LSAMP: variants seen among roughly 807,000 people sequenced by gnomAD.
LSAMP encodes the protein limbic system associated membrane protein.
LSAMP carries 7 observed loss-of-function variants against 38.6 expected under a neutral mutation model. The observed-to-expected ratio is 0.18, with a 90% CI of 0.10 to 0.34. LSAMP has a LOEUF of 0.34. LSAMP is among the 10% of genes least tolerant of loss of function. The probability of loss-of-function intolerance (pLI) is 1.00; values close to 1 mark genes in which losing one functional copy is unlikely to be tolerated. For missense variants in LSAMP, 313 were observed against 420.0 expected (o/e 0.75, Z 2.23); for synonymous variants, 154 against 166.8 (o/e 0.92, Z 0.59).
chr3:116,123,735 G>A (rs990025881), intron 1 of LSAMP, among the ~76,000 whole-genome samples: 8 of 152,094 alleles, frequency 5.3e-5, no homozygotes, highest in African/African-American at 1.2e-4. Context: ...TTATTAACAC[G>A]GTAGATATTA....
intron 2 of LSAMP, among the ~76,000 whole-genome samples, chr3:116,041,459 C>T (rs1559930795): frequency 2.6e-5 from 4 of 151,800 alleles, no homozygotes; most frequent in Admixed American, 2.0e-4. Context: ...TTTAGGCAGA[C>T]AAATATGATT....
intron 1 of LSAMP, among the ~76,000 whole-genome samples, chr3:116,105,106 A>ATAGT (rs1031600986): frequency 6.6e-6 from 1 of 152,006 alleles, no homozygotes; most frequent in Non-Finnish European, 1.5e-5. Context: ...TGGGTATAGG[A>ATAGT]TAGTTAGCAT....
intron 3 of LSAMP, among the ~76,000 whole-genome samples, chr3:115,858,885 C>A (rs972317524): frequency 1.3e-5 from 2 of 152,118 alleles, no homozygotes; most frequent in Admixed American, 1.3e-4. Context: ...AATGCTGTAC[C>A]ATGTTTCTGT....
At chr3:116,085,731 G>A (rs952916855) in intron 2 of LSAMP, among the ~76,000 whole-genome samples, 3 of 152,162 alleles carry the variant, frequency 2.0e-5, no homozygotes, top group Non-Finnish European at 4.4e-5. Context: ...CCCCAATCTA[G>A]AAGCAAATTG....
At chr3:116,052,260 G>T (rs1250807660) in intron 2 of LSAMP, among the ~76,000 whole-genome samples, 1 of 152,082 alleles carries the variant, frequency 6.6e-6, no homozygotes, top group African/African-American at 2.4e-5. Flanking sequence ...AGAAGTGGAT[G>T]ATAAAGAAGA....
At chr3:115,948,488 C>T (rs1280093711) in intron 3 of LSAMP, among the ~76,000 whole-genome samples, 1 of 152,056 alleles carries the variant, frequency 6.6e-6, no homozygotes, top group Admixed American at 6.5e-5. Context: ...CCCTCAAAAC[C>T]ATAGAAATAT....
chr3:116,217,731 A>ATTC (rs2046238135), intron 1 of LSAMP, among the ~76,000 whole-genome samples: 1 of 152,260 alleles, frequency 6.6e-6, no homozygotes, highest in Non-Finnish European at 1.5e-5. Flanking sequence ...TGAGAATTTG[A>ATTC]AAAATTAAGT....
intron 3 of LSAMP, among the ~76,000 whole-genome samples, chr3:115,861,581 A>G (rs1021638255): frequency 6.6e-6 from 1 of 152,148 alleles, no homozygotes; most frequent in Admixed American, 6.5e-5. Flanking sequence ...AATTTCCTGT[A>G]GTCCACTTGG....
At chr3:116,209,266 G>A (rs957835456) in intron 1 of LSAMP, among the ~76,000 whole-genome samples, 14 of 152,078 alleles carry the variant, frequency 9.2e-5, no homozygotes, top group African/African-American at 1.7e-4. Context: ...GCTCGCGCAC[G>A]GTGCGCGCAC....
chr3:116,119,372 T>G (rs1349120348), intron 1 of LSAMP, among the ~76,000 whole-genome samples: 2 of 152,108 alleles, frequency 1.3e-5, no homozygotes, highest in Non-Finnish European at 2.9e-5. Flanking sequence ...TAGATATATG[T>G]ATATGTATGT....
intron 3 of LSAMP, among the ~76,000 whole-genome samples, chr3:115,905,345 CGAT>C (rs1470740098): frequency 6.6e-6 from 1 of 151,856 alleles, no homozygotes; most frequent in African/African-American, 2.4e-5. Flanking sequence ...TATGAGATAC[CGAT>C]GATATTGGGA....
At chr3:116,354,072 C>G (rs1274309005) in intron 1 of LSAMP, among the ~76,000 whole-genome samples, 3 of 152,090 alleles carry the variant, frequency 2.0e-5, no homozygotes, top group Admixed American at 2.0e-4. Flanking sequence ...ACCCTTGAAG[C>G]TGGAGTCACT....
intron 1 of LSAMP, among the ~76,000 whole-genome samples, chr3:116,197,806 A>G (rs995116571): frequency 6.6e-6 from 1 of 152,144 alleles, no homozygotes; most frequent in Non-Finnish European, 1.5e-5. Flanking sequence ...CTTGCTTCCA[A>G]TGATATATAC....
intron 1 of LSAMP, among the ~76,000 whole-genome samples, chr3:116,293,717 G>C (rs897723300): frequency 6.6e-6 from 1 of 152,114 alleles, no homozygotes; most frequent in Non-Finnish European, 1.5e-5. Context: ...ACTATAGTGA[G>C]ATATATGGAG....
intron 1 of LSAMP, among the ~76,000 whole-genome samples, chr3:116,302,714 C>T (rs1434287142): frequency 6.6e-6 from 1 of 152,132 alleles, no homozygotes; most frequent in Non-Finnish European, 1.5e-5. Context: ...AACCATTCTC[C>T]TATAATGGCA....
At chr3:116,263,220 C>T (rs910551064) in intron 1 of LSAMP, among the ~76,000 whole-genome samples, 5 of 152,054 alleles carry the variant, frequency 3.3e-5, no homozygotes, top group South Asian at 2.1e-4. Context: ...TGCTCTCAAC[C>T]GCAGGAACTG....
At chr3:115,862,074 C>G (rs1351420451) in intron 3 of LSAMP, among the ~76,000 whole-genome samples, 1 of 152,098 alleles carries the variant, frequency 6.6e-6, no homozygotes, top group Non-Finnish European at 1.5e-5. Flanking sequence ...GTTTTTTAGA[C>G]TTTTTCTTAA....
intron 1 of LSAMP, among the ~76,000 whole-genome samples, chr3:116,256,428 C>G (rs1162521454): frequency 1.3e-5 from 2 of 152,080 alleles, no homozygotes; most frequent in Admixed American, 1.3e-4. Flanking sequence ...AAGGACAAGC[C>G]GTGACCTTGC....
chr3:116,290,773 T>TAATAATAAA lies in LSAMP; in HGVS notation c.155+154103_155+154104insTTTATTATT, dbSNP rs1397690470. ...ATAATAATAATAATAATAATAATAA[T>TAATAATAAA]AAAATAAACTTTCCTAGTTGATCTT... On this transcript the variant is annotated intron_variant, in intron 1 of 6. Coordinates refer to ENST00000490035, the MANE Select transcript of LSAMP (RefSeq NM_002338.5). 1.1e-3 allele frequency among the ~76,000 whole-genome samples: 154 copies of TAATAATAAA among 142,538 alleles called. 1 individual carries two copies. The highest frequency in any genetic ancestry group is 1.0e-2 in the Admixed American group (141 of 14,112). The allele number at this position is 142,538 out of a possible 152,430, so 93.5% of individuals were successfully genotyped here. A position where few individuals can be genotyped will look rare whatever the true frequency, so the allele number is the denominator to read the frequency against.
Sources: allele counts gnomAD v4.1 joint callset (sites outside exome capture counted in the v4.1 genomes callset), GRCh38; gene constraint gnomAD v4.1.1; transcripts MANE v1.5; gene names NCBI Gene and HGNC (gene_info 2026-07-23, HGNC 2026-07-21).